DMXL2: variants seen among roughly 807,000 people sequenced by gnomAD.
The protein encoded by DMXL2 is dmX-like protein 2.
In DMXL2, 103 loss-of-function variants were observed where a neutral mutation model predicts 331.1. The observed-to-expected ratio is 0.31, with a 90% CI of 0.27 to 0.37. The LOEUF is 0.37. Ranked by LOEUF, DMXL2 falls within the 10% of genes least tolerant of loss-of-function variation. The pLI, the probability that DMXL2 is intolerant of heterozygous loss-of-function variation, is 1.00. For missense variants in DMXL2, 3,171 were observed against 3,642.9 expected, an observed-to-expected ratio of 0.87 and a Z score of 3.33; for synonymous variants, 1,281 against 1,252.1, an observed-to-expected ratio of 1.02 and a Z score of -0.49.
At chr15:51,535,404 AAAT>A (rs1327278132) in intron 13 of DMXL2, among the ~76,000 whole-genome samples, 1 of 152,218 alleles carries the variant, frequency 6.6e-6, no homozygotes, top group Non-Finnish European at 1.5e-5. Flanking sequence ...TGTTACAAAC[AAAT>A]AATATTTTAG....
intron 1 of DMXL2, among the ~76,000 whole-genome samples, chr15:51,614,538 T>C (rs1200567645): frequency 6.6e-6 from 1 of 152,224 alleles, no homozygotes; most frequent in South Asian, 2.1e-4. Flanking sequence ...CTATATTATA[T>C]CAAAGCTCTC....
chr15:51,596,893 G>A (rs547569471), intron 1 of DMXL2, among the ~76,000 whole-genome samples: 1 of 152,136 alleles, frequency 6.6e-6, no homozygotes, highest in Non-Finnish European at 1.5e-5. Context: ...GACACAGGAA[G>A]GGGAACATCA....
At chr15:51,600,362 T>G (rs1028679229) in intron 1 of DMXL2, among the ~76,000 whole-genome samples, 1 of 152,166 alleles carries the variant, frequency 6.6e-6, no homozygotes, top group African/African-American at 2.4e-5. Flanking sequence ...AGTGACCACC[T>G]CTTAGTCACA....
chr15:51,448,768 C>T lies in DMXL2; in HGVS notation c.*216G>A. 1 of 560,496 alleles carries T rather than the reference C, an allele frequency of 1.8e-6. No homozygotes were observed. The highest frequency in any genetic ancestry group is 3.2e-6 in the Non-Finnish European group (1 of 316,946). 34.7% of individuals were successfully genotyped at this position (560,496 alleles called of 1,614,324 possible). A position where few individuals can be genotyped will look rare whatever the true frequency, so the allele number is the denominator to read the frequency against. On this transcript the variant is annotated 3_prime_UTR_variant, in exon 44 of 44. Transcript: ENST00000560891. The stretch of plus-strand genomic sequence containing the variant: ...CTGTAAAGAATAGCTATCCTTCATA[C>T]AATACTAGGTTTTATTTTTTTTAGT...
Position 51,491,699 on chromosome 15 carries a change from T to G in DMXL2, c.4832A>C (p.Glu1611Ala), listed in dbSNP as rs1161066316. 2 of 1,612,266 alleles carry G rather than the reference T, an allele frequency of 1.2e-6. No homozygotes were observed. The highest frequency in any genetic ancestry group is 1.7e-6 in the Non-Finnish European group (2 of 1,179,496). The change falls in exon 20 of 44, where the codon GAA (glutamate) becomes GCA (alanine). Residue 1611 changes from glutamate (E) to alanine (A), a missense_variant. By Grantham distance (107) the Glu-to-Ala change is moderately radical. Coordinates refer to ENST00000560891, the MANE Select transcript of DMXL2 (RefSeq NM_001378457.1). The part of the protein sequence containing the change: ...FAWAFHSEAE[E>A]ELINMIPAIQ... ...TGCTGGAATCATATTAATCAGTTCTTCTTCAGCCTCAGAATGAAAAGCCCA... is the reference window on the plus strand; with the variant it reads ...TGCTGGAATCATATTAATCAGTTCTGCTTCAGCCTCAGAATGAAAAGCCCA...
chr15:51,493,970 T>G (rs1349149349), intron 19 of DMXL2, among the ~76,000 whole-genome samples: 1 of 152,144 alleles, frequency 6.6e-6, no homozygotes, highest in Non-Finnish European at 1.5e-5. Context: ...GTATACAAAC[T>G]TCTGGGAATG....
chr15:51,619,933 T>A (rs2054525771), intron 1 of DMXL2, among the ~76,000 whole-genome samples: 1 of 152,212 alleles, frequency 6.6e-6, no homozygotes, highest in Non-Finnish European at 1.5e-5. Flanking sequence ...TCATTCCAAG[T>A]CCTGGCTGGT....
chr15:51,531,672 C>G (rs1057383704), intron 13 of DMXL2, among the ~76,000 whole-genome samples: 2 of 152,046 alleles, frequency 1.3e-5, no homozygotes, highest in Admixed American at 6.6e-5. Context: ...AACAACTCTA[C>G]AGGAAAAAAT....
At chr15:51,459,070 A>C (rs771555473) in intron 34 of DMXL2, 7 of 367,788 alleles carry the variant, frequency 1.9e-5, no homozygotes, top group Non-Finnish European at 3.0e-5. Context: ...TTTTATTAGT[A>C]ATTTATACAG....
chr15:51,513,922 T>C (rs953606830), intron 15 of DMXL2, among the ~76,000 whole-genome samples: 1 of 152,166 alleles, frequency 6.6e-6, no homozygotes, highest in African/African-American at 2.4e-5. Flanking sequence ...TGTTTGTTTT[T>C]GAAAGGGTTA....
chr15:51,455,490 C>T (rs1385388482), intron 39 of DMXL2, among the ~76,000 whole-genome samples: 1 of 152,108 alleles, frequency 6.6e-6, no homozygotes, highest in Non-Finnish European at 1.5e-5. Context: ...CCTCAAACTC[C>T]TGGGTTCAAG....
At chr15:51,587,479 C>T (rs572748489) in intron 1 of DMXL2, among the ~76,000 whole-genome samples, 30 of 152,280 alleles carry the variant, frequency 2.0e-4, no homozygotes, top group African/African-American at 6.3e-4. Flanking sequence ...TCATCCATGT[C>T]CCTACAAAGG....
At chr15:51,535,233 C>T (rs1189617629) in intron 13 of DMXL2, among the ~76,000 whole-genome samples, 1 of 152,048 alleles carries the variant, frequency 6.6e-6, no homozygotes, top group Non-Finnish European at 1.5e-5. Context: ...GAGATGCTGC[C>T]ACCCACTGAT....
Position 51,619,560 on chromosome 15 carries a change from A to AATC in DMXL2, c.87+2896_87+2898dup, listed in dbSNP as rs75442740. On this transcript the variant is annotated intron_variant, in intron 1 of 43. Transcript: ENST00000560891. Reference sequence around the variant, plus strand: ...ATCAAGTAGTCATTCACAGCCAACCAATCACGCCACCCACCATGCACAGCA... The same window carrying AATC: ...ATCAAGTAGTCATTCACAGCCAACCAATCATCACGCCACCCACCATGCACAGCA... Among the ~76,000 whole-genome samples the AATC allele has an allele frequency of 2.6e-3, 389 of 152,312 alleles. 15 individuals are homozygous for AATC. The East Asian group carries it at 0.06, about 24-fold the overall frequency.
intron 13 of DMXL2, among the ~76,000 whole-genome samples, chr15:51,533,955 G>T (rs1278898378): frequency 6.6e-6 from 1 of 152,136 alleles, no homozygotes; most frequent in Non-Finnish European, 1.5e-5. Flanking sequence ...GATTCAAAAA[G>T]ATACTGAGAG....
intron 1 of DMXL2, among the ~76,000 whole-genome samples, chr15:51,577,183 T>C (rs535194831): frequency 6.6e-6 from 1 of 152,294 alleles, no homozygotes; most frequent in South Asian, 2.1e-4. Context: ...GAAATGGTAT[T>C]TTTCCGCACT....
intron 1 of DMXL2, among the ~76,000 whole-genome samples, chr15:51,576,778 T>A (rs1361608763): frequency 1.3e-5 from 2 of 151,992 alleles, no homozygotes; most frequent in East Asian, 3.9e-4. Flanking sequence ...ATCCCCAACA[T>A]CATCAGGCCT....
intron 1 of DMXL2, among the ~76,000 whole-genome samples, chr15:51,591,051 G>A (rs974762604): frequency 2.0e-5 from 3 of 152,186 alleles, no homozygotes; most frequent in East Asian, 1.9e-4. Flanking sequence ...TGAGGTACCG[G>A]GTTCATCTCA....
At chr15:51,580,844 T>C (rs2051359781) in intron 1 of DMXL2, among the ~76,000 whole-genome samples, 1 of 152,204 alleles carries the variant, frequency 6.6e-6, no homozygotes, top group Non-Finnish European at 1.5e-5. Flanking sequence ...TATAATCCTA[T>C]TCTTATAGAC....
Sources: gnomAD v4.1 joint callset for allele counts (sites outside exome capture counted in the v4.1 genomes callset) on GRCh38, gnomAD v4.1.1 for gene constraint, MANE v1.5 for transcripts, NCBI Gene and HGNC (gene_info 2026-07-23, HGNC 2026-07-21) for gene names.